TRIM37: variants seen among roughly 807,000 people sequenced by gnomAD.
TRIM37 encodes E3 ubiquitin-protein ligase TRIM37.
In TRIM37, 80 loss-of-function variants were observed where a neutral mutation model predicts 129.8. That is an observed-to-expected ratio of 0.62 (90% CI 0.51 to 0.74). The LOEUF (loss-of-function observed/expected upper bound fraction) is 0.74, where lower values mean the gene tolerates loss of function less well. Ranked by LOEUF, TRIM37 falls within the 30% of genes least tolerant of loss-of-function variation. The probability of loss-of-function intolerance (pLI) is 0.00; values close to 1 mark genes in which losing one functional copy is unlikely to be tolerated. For missense variants in TRIM37, 1,054 were observed against 1,176.5 expected (o/e 0.90, Z 1.52); for synonymous variants, 389 against 387.1 (o/e 1.00, Z -0.06).
chr17:59,004,486 A>C (rs1184808646), intron 22 of TRIM37, among the ~76,000 whole-genome samples: 3 of 152,112 alleles, frequency 2.0e-5, no homozygotes. Context: ...AAACAAAAAA[A>C]CCACAATGAA....
chr17:59,106,411 G>A (rs1174278424), intron 1 of TRIM37, 30 bp downstream of exon 1: 2 of 1,613,750 alleles, frequency 1.2e-6, no homozygotes, highest in African/African-American at 2.7e-5. Context: ...TGGGGGCGGG[G>A]ACTAACCACC....
At chr17:59,061,182 A>G in intron 11 of TRIM37, 74 bp from the exon 12 acceptor site, 2 of 1,145,554 alleles carry the variant, frequency 1.7e-6, no homozygotes, top group Admixed American at 1.8e-5. Context: ...AATATCTGAT[A>G]TCTAGATTGA....
chr17:58,976,485 G>A, the TRIM37 span, among the ~76,000 whole-genome samples: 174 of 152,246 alleles, frequency 1.1e-3, 1 homozygote, highest in Admixed American at 1.8e-3. Context: ...AGGACTCCTG[G>A]GCAGAGTTCA....
intron 2 of TRIM37, among the ~76,000 whole-genome samples, chr17:59,098,335 T>G (rs2045110207): frequency 6.6e-6 from 1 of 152,174 alleles, no homozygotes; most frequent in Non-Finnish European, 1.5e-5. Flanking sequence ...TGAATGTACT[T>G]AATGCCGCTA....
downstream of TRIM37, chr17:58,980,299 A>G: frequency 6.2e-7 from 1 of 1,614,158 alleles, no homozygotes; most frequent in East Asian, 2.2e-5. This position sits in a 1 kb window ranked among gnomAD's most constrained non-coding sequence, Gnocchi z 4.7. Flanking sequence ...AAGGAGGGCA[A>G]GAAGATGGTG....
chr17:59,057,176 T>A (rs376455147), intron 12 of TRIM37, 122 bp from the exon 13 acceptor site: 13 of 798,372 alleles, frequency 1.6e-5, no homozygotes, highest in East Asian at 1.6e-4. Context: ...TATACGCAGT[T>A]ACATTTCTTT....
intron 2 of TRIM37, among the ~76,000 whole-genome samples, chr17:59,099,319 G>A (rs1456865252): frequency 6.6e-6 from 1 of 151,850 alleles, no homozygotes; most frequent in Non-Finnish European, 1.5e-5. Context: ...GCCCTACATA[G>A]GTGTACCATT....
Position 59,031,958 on chromosome 17 carries a change from C to A in TRIM37, c.1886G>T (p.Ser629Ile). 1 of 1,614,144 alleles carries A rather than the reference C, an allele frequency of 6.2e-7. No homozygotes were observed. Among genetic ancestry groups the A allele is most frequent in the South Asian group, 1.1e-5 (1 of 91,086 alleles). ...TAAGCCCCACAAATTTTCTATACTGCTCCGGTCCTTAAGGTCCAACAAATG... is the reference window on the plus strand; with the variant it reads ...TAAGCCCCACAAATTTTCTATACTGATCCGGTCCTTAAGGTCCAACAAATG... The part of the protein sequence containing the change: ...LIHLLDLKDR[S>I]SIENLWGLQP... The change falls in exon 18 of 24, where the codon AGC becomes ATC. Residue 629 changes from serine to isoleucine, a missense_variant. By Grantham distance (142) the Ser-to-Ile change is moderately radical. Coordinates refer to ENST00000262294, the MANE Select transcript of TRIM37 (RefSeq NM_015294.6).
chr17:59,053,558 G>A (rs2040553223), intron 13 of TRIM37, among the ~76,000 whole-genome samples: 1 of 152,096 alleles, frequency 6.6e-6, no homozygotes, highest in African/African-American at 2.4e-5. Flanking sequence ...TAGACTCAAT[G>A]TTGCTTAAAA....
At chr17:59,030,883 G>C (rs149887369) in intron 18 of TRIM37, among the ~76,000 whole-genome samples, 20 of 152,268 alleles carry the variant, frequency 1.3e-4, no homozygotes, top group African/African-American at 4.6e-4. Context: ...TCTACCTACA[G>C]AATCAGAACC....
At chr17:58,969,565 A>G in the TRIM37 span, 1 of 1,614,018 alleles carries the variant, frequency 6.2e-7, no homozygotes, top group Non-Finnish European at 8.5e-7. Flanking sequence ...CTTACTTTGC[A>G]GTGTTTGATG....
chr17:58,999,704 CA>C (rs1418181488), intron 23 of TRIM37, among the ~76,000 whole-genome samples: 1 of 152,144 alleles, frequency 6.6e-6, no homozygotes, highest in Non-Finnish European at 1.5e-5. Flanking sequence ...TAAAAGATGA[CA>C]GGAATTGTCT....
intron 19 of TRIM37, among the ~76,000 whole-genome samples, chr17:59,021,082 CACAG>C (rs1427807672): frequency 6.6e-6 from 1 of 152,114 alleles, no homozygotes; most frequent in African/African-American, 2.4e-5. Context: ...ACCTAAGATC[CACAG>C]ACAAATGGAT....
Position 59,036,165 on chromosome 17 carries a change from T to C in TRIM37, c.1754-4075A>G, listed in dbSNP as rs564904535. On this transcript the variant is annotated intron_variant, in intron 17 of 23. Coordinates refer to ENST00000262294, the MANE Select transcript of TRIM37 (RefSeq NM_015294.6). ...GCTCACGCCTATAATCCCAACACTT[T>C]GGGAGGCTGAGGCAGGAGGACTAAT... Among the ~76,000 whole-genome samples the C allele has an allele frequency of 4.6e-5, 7 of 152,182 alleles. No individual in the cohort carries two copies. The South Asian group carries it at 8.3e-4, about 18-fold the overall frequency.
Position 59,097,869 on chromosome 17 carries a change from A to G in TRIM37, c.123+6424T>C, listed in dbSNP as rs575700231. On this transcript the variant is annotated intron_variant, in intron 2 of 23. Coordinates refer to ENST00000262294, the MANE Select transcript of TRIM37 (RefSeq NM_015294.6). ...AAGATTTAATATTGTTAAGACAGCAATATTACTCAAAGGCATGTACAGAAT... is the reference window on the plus strand; with the variant it reads ...AAGATTTAATATTGTTAAGACAGCAGTATTACTCAAAGGCATGTACAGAAT... Among the ~76,000 whole-genome samples, 19 of 152,392 alleles carry G rather than the reference A, an allele frequency of 1.2e-4. No individual in the cohort carries two copies. In the South Asian group the frequency reaches 3.1e-3, roughly 25 times the overall value.
intron 4 of TRIM37, among the ~76,000 whole-genome samples, chr17:59,085,735 T>C (rs2147156154): frequency 6.6e-6 from 1 of 152,290 alleles, no homozygotes; most frequent in East Asian, 1.9e-4. Context: ...CTCAAAGACA[T>C]GAACATCCAT....
At chr17:59,067,753 C>T (rs1017612167) in intron 9 of TRIM37, among the ~76,000 whole-genome samples, 2 of 144,226 alleles carry the variant, frequency 1.4e-5, no homozygotes, top group African/African-American at 4.9e-5. Context: ...TCAGACTGCT[C>T]TGGAACTCCT....
intron 4 of TRIM37, among the ~76,000 whole-genome samples, chr17:59,084,774 A>G (rs34712362): frequency 0.042 from 6,367 of 152,234 alleles, 199 homozygotes; most frequent in Non-Finnish European, 0.062. Context: ...TCCTCTATAA[A>G]GAGGAGGAGA....
At chr17:59,067,744 C>T (rs2042029640) in intron 9 of TRIM37, among the ~76,000 whole-genome samples, 1 of 145,946 alleles carries the variant, frequency 6.9e-6, no homozygotes, top group Non-Finnish European at 1.6e-5. Context: ...CCATGTTGGT[C>T]AGACTGCTCT....
Sources: gnomAD v4.1 joint callset for allele counts (sites outside exome capture counted in the v4.1 genomes callset) on GRCh38, gnomAD v4.1.1 for gene constraint, Gnocchi (gnomAD v3.1) non-coding constraint, MANE v1.5 for transcripts, NCBI Gene and HGNC (gene_info 2026-07-23, HGNC 2026-07-21) for gene names.